The following MUC5AC variants were observed in gnomAD, a reference collection of about 807,000 sequenced individuals.
The protein encoded by MUC5AC is mucin 5AC, oligomeric mucus/gel-forming.
Under a neutral mutation model 169.7 loss-of-function variants are expected in MUC5AC, and 158 were observed. The observed-to-expected ratio is 0.93, with a 90% CI of 0.82 to 1.06. The LOEUF (loss-of-function observed/expected upper bound fraction) is 1.06. Ranked by LOEUF, MUC5AC falls within the 50% of genes least tolerant of loss-of-function variation. The probability of loss-of-function intolerance (pLI) is 0.00; values close to 1 mark genes in which losing one functional copy is unlikely to be tolerated. For missense variants in MUC5AC, 4,359 were observed against 3,089.9 expected (o/e 1.41, Z -9.74); for synonymous variants, 1,975 against 1,237.0 (o/e 1.60, Z -12.52).
chr11:1,178,023 A>G (rs1004828576), intron 24 of MUC5AC, among the ~76,000 whole-genome samples: 27,248 of 152,150 alleles, frequency 0.18, 2,652 homozygotes, highest in Non-Finnish European at 0.2. Flanking sequence ...GTCTTCACGC[A>G]GCCTCCTCCC....
At chr11:1,166,063 G>A (rs1860315655) in intron 11 of MUC5AC, among the ~76,000 whole-genome samples, 1 of 152,132 alleles carries the variant, frequency 6.6e-6, no homozygotes, top group South Asian at 2.1e-4. Context: ...AGGTTAACAA[G>A]GAAATTGAGC....
At position 1,186,197 on chromosome 11, in the gene MUC5AC, A is replaced by G; in HGVS notation, c.8052A>G (p.Thr2684=). ...TSTTSASTTS[T]TSASTTSTTS... ...CAACTTCTGCTTCTACAACCAGCAC[A>G]ACCTCTGCTTCTACAACCAGCACAA... Residue 2684 remains threonine, a synonymous_variant, in exon 31 of 49, where the codon ACA becomes ACG. Coordinates refer to ENST00000621226, the MANE Select transcript of MUC5AC (RefSeq NM_001304359.2). 2 of 751,074 alleles carry G rather than the reference A, an allele frequency of 2.7e-6. No homozygotes were observed. Among genetic ancestry groups the G allele is most frequent in the Non-Finnish European group, 4.9e-6 (2 of 410,418 alleles). 46.5% of individuals were successfully genotyped at this position (751,074 alleles called of 1,614,324 possible). A position where few individuals can be genotyped will look rare whatever the true frequency, so the allele number is the denominator to read the frequency against.
chr11:1,158,142 A>G, intron 1 of MUC5AC, 70 bp downstream of exon 1: 1 of 1,406,300 alleles, frequency 7.1e-7, no homozygotes, highest in Admixed American at 2.1e-5. Context: ...CAGGCAGCTC[A>G]GTCTTTGCCC....
chr11:1,192,101 A>G lies in MUC5AC; in HGVS notation c.13956A>G (p.Glu4652=). The G allele has an allele frequency of 2.6e-6, 2 of 765,062 alleles. No individual in the cohort carries two copies. Among genetic ancestry groups the G allele is most frequent in the Non-Finnish European group, 2.4e-6 (1 of 417,876 alleles). 47.4% of individuals were successfully genotyped at this position (765,062 alleles called of 1,614,324 possible). A position where few individuals can be genotyped will look rare whatever the true frequency, so the allele number is the denominator to read the frequency against. ...PSPGPHGGDK[E]TYNNIIRSGE... ...CTGGACCCCACGGCGGGGACAAGGA[A>G]ACCTACAACAACATCATCAGGAGTG... Residue 4652 remains glutamate, a synonymous_variant, in exon 31 of 49, where the codon GAA becomes GAG. Coordinates refer to ENST00000621226, the MANE Select transcript of MUC5AC (RefSeq NM_001304359.2).
chr11:1,171,483 A>G (rs1238807290), intron 15 of MUC5AC, among the ~76,000 whole-genome samples: 4 of 133,026 alleles, frequency 3.0e-5, no homozygotes, highest in African/African-American at 1.2e-4. Context: ...TCACCCACTC[A>G]CCCACTCACT....
rs1350065279 is a variant in MUC5AC, at chr11:1,189,707, C to G, written c.11562C>G (p.Ser3854Arg). The change falls in exon 31 of 49, where the codon AGC becomes AGG. Residue 3854 changes from serine to arginine, a missense_variant. By Grantham distance (110) the Ser-to-Arg change is moderately radical. Coordinates refer to ENST00000621226, the MANE Select transcript of MUC5AC (RefSeq NM_001304359.2). The part of the protein sequence containing the change: ...TTSTTSTPQT[S>R]ISSAPTSSTT... ...GCACAACCTCCACTCCACAGACCAG[C>G]ATATCCTCTGCCCCTACAAGCAGCA... The G allele has an allele frequency of 8.1e-4, 517 of 638,810 alleles. 1 individual carries two copies. Among genetic ancestry groups the G allele is most frequent in the Admixed American group, 2.5e-3 (106 of 42,098 alleles). 39.6% of individuals were successfully genotyped at this position (638,810 alleles called of 1,614,324 possible).
In MUC5AC at chr11:1,186,925, C is replaced by T. The variant is rs1168423618; in HGVS notation, c.8780C>T (p.Ala2927Val). ...TSAPTSSTTS[A>V]TTTSTISVPT... is the part of the protein sequence containing the mutation. Reference sequence around the variant, plus strand: ...GCCCCTACAAGCAGCACAACCTCAGCTACTACAACCAGCACAATCTCTGTT... The same window carrying T: ...GCCCCTACAAGCAGCACAACCTCAGTTACTACAACCAGCACAATCTCTGTT... The change falls in exon 31 of 49, where the codon GCT becomes GTT. Residue 2927 changes from alanine to valine, a missense_variant. Ala to Val is a moderately conservative substitution (Grantham distance 64). Transcript: ENST00000621226. The T allele has an allele frequency of 1.1e-5, 8 of 723,986 alleles. No homozygotes were observed. Among genetic ancestry groups the T allele is most frequent in the Non-Finnish European group, 2.0e-5 (8 of 397,024 alleles). The allele number at this position is 723,986 out of a possible 1,614,324, so 44.8% of individuals were successfully genotyped here. A position where few individuals can be genotyped will look rare whatever the true frequency, so the allele number is the denominator to read the frequency against.
In MUC5AC at chr11:1,168,788, G is replaced by T; in HGVS notation, c.1705+9G>T. 6.3e-7 allele frequency: 1 copy of T among 1,591,752 alleles called. No homozygotes were observed. The highest frequency in any genetic ancestry group is 8.6e-7 in the Non-Finnish European group (1 of 1,164,950). ...CCGTGGGCAGACCTGCGGTAAGAGG[G>T]CTGCCTTCTGGGCTTGGAGCCCACC... On this transcript the variant is annotated intron_variant, in intron 14 of 48. Transcript: ENST00000621226.
intron 24 of MUC5AC, 84 bp downstream of exon 24, chr11:1,177,717 G>C: frequency 2.5e-6 from 1 of 394,328 alleles, no homozygotes. Context: ...GAGACGAGAG[G>C]CACAGAGACA....
rs777020497 is a variant in MUC5AC at position 1,191,883 on chromosome 11, G to A, written c.13738G>A (p.Ala4580Thr). 7.1e-5 allele frequency: 54 copies of A among 762,972 alleles called. No homozygotes were observed. The African/African-American group carries it at 8.1e-4, about 11-fold the overall frequency. The allele number at this position is 762,972 out of a possible 1,614,324, so 47.3% of individuals were successfully genotyped here. A position where few individuals can be genotyped will look rare whatever the true frequency, so the allele number is the denominator to read the frequency against. Residue 4580 changes from alanine to threonine, a missense_variant, in exon 31 of 49, where the codon GCT (alanine) becomes ACT (threonine). Physicochemically the swap from Ala to Thr is moderately conservative, Grantham distance 58. Transcript: ENST00000621226. Reference protein sequence around the residue: ...SPVPTTSTTSAPTTSTTSGPG... With the variant: ...SPVPTTSTTSTPTTSTTSGPG... ...TGTTCCCACCACCAGCACAACCTCTGCTCCTACAACCAGCACGACCTCTGG... is the reference window on the plus strand; with the variant it reads ...TGTTCCCACCACCAGCACAACCTCTACTCCTACAACCAGCACGACCTCTGG...
chr11:1,171,230 CCATT>C (rs1860513468), intron 15 of MUC5AC, among the ~76,000 whole-genome samples: 6 of 130,068 alleles, frequency 4.6e-5, no homozygotes, highest in Non-Finnish European at 8.1e-5. Context: ...ACCCACTCAC[CCATT>C]CACTCATTCA....
At chr11:1,193,995 C>CTCATCT in intron 33 of MUC5AC, 115 bp from the exon 34 acceptor site, 1 of 677,914 alleles carries the variant, frequency 1.5e-6, no homozygotes, top group Non-Finnish European at 2.7e-6. Context: ...CTTGTGCGCC[C>CTCATCT]TGTGAGATGA....
At chr11:1,200,414 G>T (rs573258179) in intron 48 of MUC5AC, 24 bp from the exon 49 acceptor site, 1 of 668,560 alleles carries the variant, frequency 1.5e-6, no homozygotes, top group South Asian at 1.6e-5. Context: ...GCAGCAGCTG[G>T]TGCTGAGCAG....
intron 35 of MUC5AC, 109 bp downstream of exon 35, chr11:1,194,779 T>C: frequency 1.6e-6 from 1 of 629,684 alleles, no homozygotes; most frequent in Non-Finnish European, 2.8e-6. Context: ...GCTTTCTGGC[T>C]GCTCTGCTGA....
chr11:1,171,831 C>T (rs1425433637), intron 15 of MUC5AC, among the ~76,000 whole-genome samples: 2 of 143,012 alleles, frequency 1.4e-5, no homozygotes, highest in Admixed American at 1.4e-4. Context: ...CACTCACCCA[C>T]TCAACACTCA....
Position 1,191,807 on chromosome 11 carries a change from C to G in MUC5AC, c.13662C>G (p.Thr4554=). 1.3e-6 allele frequency: 1 copy of G among 763,302 alleles called. No homozygotes were observed. Among genetic ancestry groups the G allele is most frequent in the Non-Finnish European group, 2.4e-6 (1 of 416,934 alleles). The allele number at this position is 763,302 out of a possible 1,614,324, so 47.3% of individuals were successfully genotyped here. A position where few individuals can be genotyped will look rare whatever the true frequency, so the allele number is the denominator to read the frequency against. The change falls in exon 31 of 49, where the codon ACC becomes ACG. Residue 4554 remains threonine, a synonymous_variant. Coordinates refer to ENST00000621226, the MANE Select transcript of MUC5AC (RefSeq NM_001304359.2). Reference sequence around the variant, plus strand: ...GCCCTGTTCCCACCACGAGCACAACCTCTGCTCCTACAACTAGCACAACCT... The same window carrying G: ...GCCCTGTTCCCACCACGAGCACAACGTCTGCTCCTACAACTAGCACAACCT... ...SLSPVPTTST[T]SAPTTSTTSG... is the part of the protein sequence containing the mutation.
chr11:1,164,322 G>A lies in MUC5AC; in HGVS notation c.1003+3G>A, dbSNP rs373278977. ...CTGGCGGGGCCCTGACTTCTGCCGT[G>A]AGTGTCCCAGCCCCCTGTCCCCCAA... is the stretch of plus-strand genomic sequence containing the variant. On this transcript the variant is annotated splice_donor_region_variant and intron_variant, in intron 8 of 48. Coordinates refer to ENST00000621226, the MANE Select transcript of MUC5AC (RefSeq NM_001304359.2). 1.2e-6 allele frequency: 2 copies of A among 1,611,966 alleles called. No homozygotes were observed. The highest frequency in any genetic ancestry group is 1.7e-6 in the Non-Finnish European group (2 of 1,179,842).
chr11:1,192,180 G>A lies in MUC5AC; in HGVS notation c.14035G>A (p.Glu4679Lys), dbSNP rs67262263. 9.0e-4 allele frequency: 692 copies of A among 765,082 alleles called. 6 individuals are homozygous for A. The African/African-American group carries it at 9.3e-3, about 10-fold the overall frequency. 47.4% of individuals were successfully genotyped at this position (765,082 alleles called of 1,614,324 possible). The stretch of plus-strand genomic sequence containing the variant: ...GATCACCAGGCTCCAGTGCCGAGCC[G>A]AGAGCCACCCGGAGGTGAACATTGA... The part of the protein sequence containing the change: ...EEITRLQCRA[E>K]SHPEVNIEHL... Residue 4679 changes from glutamate (E) to lysine (K), a missense_variant, in exon 31 of 49, where the codon GAG becomes AAG. Transcript: ENST00000621226.
intron 4 of MUC5AC, 32 bp downstream of exon 4, chr11:1,162,200 C>T (rs752537925): frequency 5.6e-6 from 9 of 1,598,476 alleles, no homozygotes; most frequent in African/African-American, 4.0e-5. Context: ...GTGGGGGCCA[C>T]GCGGCGTGTG....
Sources: gnomAD v4.1 joint callset for allele counts (sites outside exome capture counted in the v4.1 genomes callset) on GRCh38, gnomAD v4.1.1 for gene constraint, MANE v1.5 for transcripts, NCBI Gene and HGNC (gene_info 2026-07-23, HGNC 2026-07-21) for gene names.